The following KDR variants were observed in gnomAD, a reference collection of about 807,000 sequenced individuals.
KDR encodes vascular endothelial growth factor receptor 2.
A neutral mutation model predicts 160.9 loss-of-function variants in KDR; 43 were observed. That is an observed-to-expected ratio of 0.27 (90% CI 0.21 to 0.34). The LOEUF (loss-of-function observed/expected upper bound fraction) is 0.34. Among genes scored for constraint, KDR ranks in the 10% least tolerant of loss-of-function variants. KDR has a pLI of 1.00. For missense variants in KDR, 1,469 were observed against 1,666.4 expected (o/e 0.88, Z 2.06); for synonymous variants, 617 against 600.1 (o/e 1.03, Z -0.41).
intron 9 of KDR, among the ~76,000 whole-genome samples, chr4:55,108,552 C>T (rs553390950): frequency 2.6e-5 from 4 of 152,276 alleles, no homozygotes; most frequent in South Asian, 2.1e-4. Context: ...ACTCAGTTAA[C>T]GAACGGCAAA....
intron 14 of KDR, 48 bp downstream of exon 14, chr4:55,102,314 C>T (rs2110020997): frequency 6.3e-7 from 1 of 1,587,394 alleles, no homozygotes; most frequent in Non-Finnish European, 8.7e-7. Flanking sequence ...TAGATAACAT[C>T]CCTGGGAAAG....
rs1560514115 is a variant in KDR, at chr4:55,089,942, T to C, written c.3192+14A>G. The C allele has an allele frequency of 6.2e-7, 1 of 1,613,940 alleles. No individual in the cohort carries two copies. Among genetic ancestry groups the C allele is most frequent in the South Asian group, 1.1e-5 (1 of 91,086 alleles). ...GTTACTTAACCAAGCACTGGGTTCA[T>C]ATTTGAAACTTACATCTCCTTTTCT... On this transcript the variant is annotated intron_variant, in intron 23 of 29. Transcript: ENST00000263923.
Position 55,094,796 on chromosome 4 carries a change from C to T in KDR, c.2971+6G>A. ...GCCATAGCATGCAGGAAGCACTAGC[C>T]AGTACCTTCCTCTTCTTCTACATCA... On this transcript the variant is annotated splice_donor_region_variant and intron_variant, in intron 21 of 29. Coordinates refer to ENST00000263923, the MANE Select transcript of KDR (RefSeq NM_002253.4). 1 of 1,613,572 alleles carries T rather than the reference C, an allele frequency of 6.2e-7. No individual in the cohort carries two copies. Among genetic ancestry groups the T allele is most frequent in the Non-Finnish European group, 8.5e-7 (1 of 1,179,506 alleles).
At position 55,080,073 on chromosome 4, in the gene KDR, G is replaced by A. The variant is rs775905361; in HGVS notation, c.3939C>T (p.Asp1313=). 2.5e-6 allele frequency: 4 copies of A among 1,614,150 alleles called. No individual in the cohort carries two copies. The highest frequency in any genetic ancestry group is 1.7e-6 in the Non-Finnish European group (2 of 1,180,040). ...SGYQSGYHSD[D]TDTTVYSSEE... ...CACTGGAGTACACGGTGGTGTCTGT[G>A]TCATCGGAGTGATATCCGGACTGGT... is the stretch of plus-strand genomic sequence containing the variant. Residue 1313 remains aspartate, a synonymous_variant, in exon 30 of 30, where the codon GAC becomes GAT. Coordinates refer to ENST00000263923, the MANE Select transcript of KDR (RefSeq NM_002253.4).
At chr4:55,122,159 GGGATAAGAACCAGAAAAGTACCA>G (rs1560525832) in intron 1 of KDR, among the ~76,000 whole-genome samples, 1 of 152,074 alleles carries the variant, frequency 6.6e-6, no homozygotes, top group East Asian at 1.9e-4. Context: ...TTACCTATAA[GGGATAAGAACCAGAAAAGTACCA>G]TGGCATAGAT....
chr4:55,095,645 C>G lies in KDR; in HGVS notation c.2749G>C (p.Glu917Gln), dbSNP rs1396414578. The G allele has an allele frequency of 6.2e-7, 1 of 1,613,524 alleles. No individual in the cohort carries two copies. Among genetic ancestry groups the G allele is most frequent in the Admixed American group, 1.7e-5 (1 of 60,002 alleles). Residue 917 changes from glutamate (E) to glutamine (Q), a missense_variant, in exon 20 of 30, where the codon GAA becomes CAA. Coordinates refer to ENST00000263923, the MANE Select transcript of KDR (RefSeq NM_002253.4). ...KPGGPLMVIV[E>Q]FCKFGNLSTY... ...GACAGGTTTCCAAATTTGCAGAATT[C>G]CACAATCACCATGAGTGGCCCTGCA...
chr4:55,110,507 G>A lies in KDR; in HGVS notation c.1151C>T (p.Thr384Met), dbSNP rs201708587. 4.8e-5 allele frequency: 78 copies of A among 1,613,778 alleles called. No individual in the cohort carries two copies. Among genetic ancestry groups the A allele is most frequent in the Admixed American group, 2.0e-4 (12 of 59,974 alleles). Residue 384 changes from threonine to methionine, a missense_variant, in exon 9 of 30, where the codon ACG becomes ATG. Physicochemically the swap from Thr to Met is moderately conservative, Grantham distance 81. Coordinates refer to ENST00000263923, the MANE Select transcript of KDR (RefSeq NM_002253.4). ...NHTIKAGHVLTIMEVSERDTG... is the reference protein window; with the variant it reads ...NHTIKAGHVLMIMEVSERDTG... The stretch of plus-strand genomic sequence containing the variant: ...GTCTCTTTCACTCACTTCCATAATC[G>A]TCAGTACATGCCCCGCTTTAATTGT...
chr4:55,100,795 G>A (rs1720291201), intron 15 of KDR, among the ~76,000 whole-genome samples: 1 of 152,078 alleles, frequency 6.6e-6, no homozygotes, highest in Admixed American at 6.6e-5. Context: ...AAGTTAGGAT[G>A]AGTTCATAGA....
intron 27 of KDR, among the ~76,000 whole-genome samples, chr4:55,083,944 T>C (rs1719797468): frequency 6.6e-6 from 1 of 152,194 alleles, no homozygotes; most frequent in South Asian, 2.1e-4. Flanking sequence ...TGTCAAACAC[T>C]ACTGGTACCG....
chr4:55,083,292 A>C (rs2110006461), intron 27 of KDR, among the ~76,000 whole-genome samples: 1 of 152,280 alleles, frequency 6.6e-6, no homozygotes, highest in South Asian at 2.1e-4. Flanking sequence ...TCTACCACTG[A>C]CTGCAGAAAC....
At position 55,109,091 on chromosome 4, in the gene KDR, C is replaced by CTT. The variant is rs35583613; in HGVS notation, c.1256-1200_1256-1199dup. ...AAACAACCTTTTTGGAACCTGTTAA[C>CTT]TTTTTTTTTGAGACGGAGTTTTGCT... On this transcript the variant is annotated intron_variant, in intron 9 of 29. Coordinates refer to ENST00000263923, the MANE Select transcript of KDR (RefSeq NM_002253.4). Among the ~76,000 whole-genome samples the CTT allele has an allele frequency of 4.6e-5, 7 of 150,708 alleles. No individual in the cohort carries two copies. The East Asian group carries it at 5.9e-4, about 13-fold the overall frequency.
At chr4:55,109,847 A>G (rs1720532656) in intron 9 of KDR, among the ~76,000 whole-genome samples, 1 of 152,140 alleles carries the variant, frequency 6.6e-6, no homozygotes, top group Non-Finnish European at 1.5e-5. Flanking sequence ...CTTTACATCA[A>G]AAACTTACTA....
chr4:55,115,996 A>C (rs1459916300), intron 3 of KDR, among the ~76,000 whole-genome samples: 14 of 152,228 alleles, frequency 9.2e-5, no homozygotes, highest in Admixed American at 5.2e-4. Context: ...GATTCTGAAG[A>C]CTAGGGATAT....
chr4:55,081,978 T>C lies in KDR; in HGVS notation c.3826A>G (p.Thr1276Ala). The C allele has an allele frequency of 6.2e-7, 1 of 1,613,352 alleles. No individual in the cohort carries two copies. The highest frequency in any genetic ancestry group is 8.5e-7 in the Non-Finnish European group (1 of 1,179,274). Residue 1276 changes from threonine to alanine, a missense_variant, in exon 29 of 30, where the codon ACC (threonine) becomes GCC (alanine). Physicochemically the swap from Thr to Ala is moderately conservative, Grantham distance 58. Transcript: ENST00000263923. ...SEELKTLEDRTKLSPSFGGMV... is the reference protein window; with the variant it reads ...SEELKTLEDRAKLSPSFGGMV... ...TACCCAAAAGATGGAGATAATTTGG[T>C]TCTGTCTTCCAAAGTTTTCAGCTCT... is the stretch of plus-strand genomic sequence containing the variant.
At chr4:55,097,990 A>G (rs1720204829) in intron 17 of KDR, 147 bp downstream of exon 17, 13 of 1,117,128 alleles carry the variant, frequency 1.2e-5, no homozygotes, top group South Asian at 8.1e-5. Context: ...AAGTGGCTAT[A>G]TGAATGATTA....
chr4:55,083,323 T>C (rs1352086391), intron 27 of KDR, among the ~76,000 whole-genome samples: 2 of 152,170 alleles, frequency 1.3e-5, no homozygotes, highest in Non-Finnish European at 2.9e-5. Flanking sequence ...CATGAATATT[T>C]CTGTGACCCT....
intron 1 of KDR, 29 bp from the exon 2 acceptor site, chr4:55,121,219 G>A (rs2110036427): frequency 6.5e-7 from 1 of 1,537,718 alleles, no homozygotes; most frequent in Non-Finnish European, 9.0e-7. Context: ...AATGAATGTA[G>A]TTGCCACTGA....
intron 11 of KDR, among the ~76,000 whole-genome samples, chr4:55,106,292 T>G (rs1720444521): frequency 6.6e-6 from 1 of 152,114 alleles, no homozygotes; most frequent in Admixed American, 6.5e-5. Flanking sequence ...CATTTTGGAT[T>G]TGGGGTTTTT....
At position 55,118,461 on chromosome 4, in the gene KDR, C is replaced by G. The variant is rs542686196; in HGVS notation, c.358+143G>C. The G allele has an allele frequency of 6.3e-5, 45 of 716,402 alleles. No homozygotes were observed. The African/African-American group carries it at 7.3e-4, about 12-fold the overall frequency. 44.4% of individuals were successfully genotyped at this position (716,402 alleles called of 1,614,324 possible). On this transcript the variant is annotated intron_variant, in intron 3 of 29. Transcript: ENST00000263923. ...ATGAGTCTTATTTCTCAGAGAAAGC[C>G]TCAGGAGAGAAGAATTGTGTGTATT...
Sources: allele counts gnomAD v4.1 joint callset (sites outside exome capture counted in the v4.1 genomes callset), GRCh38; gene constraint gnomAD v4.1.1; transcripts MANE v1.5; gene names NCBI Gene and HGNC (gene_info 2026-07-23, HGNC 2026-07-21).